Variants in TAFA4 observed in about 807,000 individuals in gnomAD.
TAFA4 encodes TAFA chemokine like family member 4.
TAFA4 carries 20 observed loss-of-function variants against 21.1 expected under a neutral mutation model. The observed-to-expected ratio is 0.95, with a 90% CI of 0.67 to 1.38. TAFA4 has a LOEUF of 1.38. Ranked by LOEUF, TAFA4 falls within the 40% of genes most tolerant of loss-of-function variation. TAFA4 has a pLI of 0.00. For missense variants in TAFA4, 211 were observed against 180.9 expected, an observed-to-expected ratio of 1.17 and a Z score of -0.95; for synonymous variants, 71 against 67.4, an observed-to-expected ratio of 1.05 and a Z score of -0.26.
At chr3:68,767,824 C>T (rs1258061980) in intron 3 of TAFA4, among the ~76,000 whole-genome samples, 1 of 151,776 alleles carries the variant, frequency 6.6e-6, no homozygotes, top group African/African-American at 2.4e-5. Context: ...TACATATGTG[C>T]ACACACATAT....
At chr3:68,786,387 G>A (rs1335008999) in intron 3 of TAFA4, among the ~76,000 whole-genome samples, 2 of 152,180 alleles carry the variant, frequency 1.3e-5, no homozygotes, top group Admixed American at 6.5e-5. Flanking sequence ...GATCAGGTGA[G>A]CCCAAGAGTT....
chr3:68,884,817 A>G (rs1243828371), intron 2 of TAFA4, among the ~76,000 whole-genome samples: 2 of 152,248 alleles, frequency 1.3e-5, no homozygotes, highest in African/African-American at 4.8e-5. Context: ...CTGGGTTAGT[A>G]GCAATAAGTT....
intron 3 of TAFA4, among the ~76,000 whole-genome samples, chr3:68,832,703 C>T (rs1704428795): frequency 6.6e-6 from 1 of 152,198 alleles, no homozygotes; most frequent in Non-Finnish European, 1.5e-5. Context: ...CTGGGAGAAA[C>T]ACTGCTCTCT....
chr3:68,794,569 G>GTTTCT (rs1703421041), intron 3 of TAFA4, among the ~76,000 whole-genome samples: 1 of 151,960 alleles, frequency 6.6e-6, no homozygotes, highest in Non-Finnish European at 1.5e-5. Flanking sequence ...TATTTTCTGT[G>GTTTCT]ACTCCCTCTT....
chr3:68,765,708 C>T (rs1343623268), intron 3 of TAFA4, among the ~76,000 whole-genome samples: 1 of 152,160 alleles, frequency 6.6e-6, no homozygotes, highest in Admixed American at 6.5e-5. Context: ...AACATAAGAT[C>T]TGAACTCAGA....
In TAFA4 at chr3:68,761,226, T is replaced by C. The variant is rs58872018; in HGVS notation, c.131-8208A>G. Among the ~76,000 whole-genome samples the C allele has an allele frequency of 4.9e-3, 753 of 152,364 alleles. 6 individuals are homozygous for C. The highest frequency in any genetic ancestry group is 0.017 in the African/African-American group (709 of 41,594). ...GAACACAGTGAACTACTTGAAACAC[T>C]GCAGATACTGAATAAATGCCTTTTG... is the stretch of plus-strand genomic sequence containing the variant. On this transcript the variant is annotated intron_variant, in intron 3 of 5. Transcript: ENST00000295569.
intron 3 of TAFA4, among the ~76,000 whole-genome samples, chr3:68,841,426 T>A (rs1414326571): frequency 6.6e-6 from 1 of 152,204 alleles, no homozygotes; most frequent in Non-Finnish European, 1.5e-5. Context: ...GCACTGTTCT[T>A]ACCTTCTTTC....
intron 3 of TAFA4, among the ~76,000 whole-genome samples, chr3:68,871,632 A>G (rs1275324263): frequency 6.6e-6 from 1 of 152,142 alleles, no homozygotes; most frequent in East Asian, 1.9e-4. Context: ...AAGGCCAAAA[A>G]TATTTGCAAA....
intron 3 of TAFA4, among the ~76,000 whole-genome samples, chr3:68,826,141 C>T (rs781187136): frequency 3.3e-5 from 5 of 152,092 alleles, no homozygotes; most frequent in African/African-American, 1.2e-4. Context: ...TTATTTGCTC[C>T]GAAGGGAGAA....
At chr3:68,752,210 A>G (rs934810843) in intron 4 of TAFA4, among the ~76,000 whole-genome samples, 1 of 152,160 alleles carries the variant, frequency 6.6e-6, no homozygotes, top group African/African-American at 2.4e-5. Context: ...AACCCCATGT[A>G]TTTGTTCCCC....
At chr3:68,770,017 A>G (rs1702923070) in intron 3 of TAFA4, among the ~76,000 whole-genome samples, 1 of 152,192 alleles carries the variant, frequency 6.6e-6, no homozygotes, top group African/African-American at 2.4e-5. Context: ...CCTTACTATC[A>G]TGAAACTCCA....
rs192501351 is a variant in TAFA4, at chr3:68,753,214, A to G, written c.131-196T>C. ...GAGAAGAGTGCAAAAAGCTTCTGTG[A>G]ACCTGTGGTAGGCAGAAATGAGGCC... On this transcript the variant is annotated intron_variant, in intron 3 of 5. Transcript: ENST00000295569. Among the ~76,000 whole-genome samples the G allele has an allele frequency of 3.3e-5, 5 of 152,262 alleles. No homozygotes were observed. In the East Asian group the frequency reaches 9.6e-4, roughly 29 times the overall value.
At chr3:68,874,634 C>T (rs2089525250) in intron 3 of TAFA4, among the ~76,000 whole-genome samples, 1 of 152,068 alleles carries the variant, frequency 6.6e-6, no homozygotes, top group African/African-American at 2.4e-5. Flanking sequence ...CCAAACTACC[C>T]GAGGAACTCT....
At chr3:68,882,618 T>C (rs1041779717) in intron 2 of TAFA4, among the ~76,000 whole-genome samples, 30 of 152,234 alleles carry the variant, frequency 2.0e-4, no homozygotes, top group Non-Finnish European at 2.1e-4. Flanking sequence ...ATAGCTGATA[T>C]TGGGGTAATA....
intron 1 of TAFA4, among the ~76,000 whole-genome samples, chr3:68,919,901 T>C (rs969638744): frequency 2.0e-5 from 3 of 152,220 alleles, no homozygotes; most frequent in African/African-American, 7.2e-5. Flanking sequence ...ATTGGTGTTT[T>C]TAATGCTCTA....
chr3:68,763,472 C>T (rs1351073785), intron 3 of TAFA4, among the ~76,000 whole-genome samples: 1 of 152,002 alleles, frequency 6.6e-6, no homozygotes, highest in East Asian at 1.9e-4. Flanking sequence ...AACACTCTGT[C>T]TTTGTGAGAT....
chr3:68,742,962 C>A lies in TAFA4; in HGVS notation c.287-3763G>T, dbSNP rs575395338. On this transcript the variant is annotated intron_variant, in intron 4 of 5. Transcript: ENST00000295569. Reference sequence around the variant, plus strand: ...AGGCAGCCAGTGCATTCAAACAGTTCCCCAGACAAACACTATGTGGCATGA... The same window carrying A: ...AGGCAGCCAGTGCATTCAAACAGTTACCCAGACAAACACTATGTGGCATGA... Among the ~76,000 whole-genome samples the A allele has an allele frequency of 2.6e-5, 4 of 152,258 alleles. No homozygotes were observed. In the South Asian group the frequency reaches 6.2e-4, roughly 24 times the overall value.
At chr3:68,852,638 G>C (rs989396114) in intron 3 of TAFA4, among the ~76,000 whole-genome samples, 5 of 152,090 alleles carry the variant, frequency 3.3e-5, no homozygotes, top group African/African-American at 1.2e-4. Flanking sequence ...TAAAACTTTT[G>C]AGTTGAATTG....
At chr3:68,836,642 A>G (rs1704529352) in intron 3 of TAFA4, among the ~76,000 whole-genome samples, 1 of 152,236 alleles carries the variant, frequency 6.6e-6, no homozygotes, top group Non-Finnish European at 1.5e-5. Context: ...AAATCCAGAG[A>G]GAACTAAACA....
Sources: gnomAD v4.1 joint callset for allele counts (sites outside exome capture counted in the v4.1 genomes callset) on GRCh38, gnomAD v4.1.1 for gene constraint, MANE v1.5 for transcripts, NCBI Gene and HGNC (gene_info 2026-07-23, HGNC 2026-07-21) for gene names.